Variants in NIN observed in about 807,000 individuals in gnomAD.
The protein encoded by NIN is glycogen synthase kinase 3 beta-interacting protein.
A neutral mutation model predicts 257.6 loss-of-function variants in NIN; 137 were observed. The observed-to-expected ratio is 0.53, with a 90% CI of 0.46 to 0.61. The LOEUF is 0.61. NIN is among the 20% of genes least tolerant of loss of function. The pLI, the probability that NIN is intolerant of heterozygous loss-of-function variation, is 0.00. For synonymous variants in NIN, 918 were observed against 919.8 expected, an observed-to-expected ratio of 1.00 and a Z score of 0.04; for missense variants, 2,439 against 2,501.2, an observed-to-expected ratio of 0.98 and a Z score of 0.53.
chr14:50,792,775 C>T lies in NIN; in HGVS notation c.372G>A (p.Thr124=), dbSNP rs61740208. 8.1e-5 allele frequency: 130 copies of T among 1,614,194 alleles called. 1 individual carries two copies. The African/African-American group carries it at 1.1e-3, about 13-fold the overall frequency. The change falls in exon 5 of 31, where the codon ACG becomes ACA. Residue 124 remains threonine, a synonymous_variant. Coordinates refer to ENST00000530997, the MANE Select transcript of NIN (RefSeq NM_020921.4). ...CTTCTTCATCCAGTGGCTCAATCAC[C>T]GTCACTTCAGGAAACTCCTCCACGG... ...QESVEEFPEV[T]VIEPLDEEAR...
chr14:50,727,415 G>T (rs1466814669), intron 29 of NIN: 8 of 1,081,594 alleles, frequency 7.4e-6, no homozygotes, highest in Non-Finnish European at 9.1e-6. Context: ...ATCCTTTCAA[G>T]AATCTTAAAT....
intron 8 of NIN, among the ~76,000 whole-genome samples, chr14:50,772,735 A>G (rs1016434347): frequency 6.6e-6 from 1 of 152,250 alleles, no homozygotes; most frequent in South Asian, 2.1e-4. Context: ...CAGAGCTGAC[A>G]TGACAAGGCA....
At chr14:50,763,671 GACC>G (rs540511746) in intron 15 of NIN, among the ~76,000 whole-genome samples, 152 bp downstream of exon 15, 5 of 151,782 alleles carry the variant, frequency 3.3e-5, no homozygotes, top group African/African-American at 9.7e-5. Flanking sequence ...TGAAAAACGA[GACC>G]ACAAGTGAAA....
chr14:50,752,414 G>T, intron 21 of NIN, 104 bp downstream of exon 21: 1 of 862,008 alleles, frequency 1.2e-6, no homozygotes, highest in Non-Finnish European at 1.9e-6. Flanking sequence ...GGACCATACT[G>T]TTTTAATTAC....
chr14:50,747,503 G>A (rs1289027924), intron 22 of NIN, among the ~76,000 whole-genome samples: 2 of 152,168 alleles, frequency 1.3e-5, no homozygotes, highest in African/African-American at 2.4e-5. Context: ...GGGGGCTGAC[G>A]TGGGTGGATT....
At chr14:50,820,165 C>T (rs2045131759) in intron 3 of NIN, among the ~76,000 whole-genome samples, 1 of 152,234 alleles carries the variant, frequency 6.6e-6, no homozygotes, top group South Asian at 2.1e-4. Flanking sequence ...ACTTTTATCA[C>T]TGGCTCACTA....
intron 2 of NIN, among the ~76,000 whole-genome samples, chr14:50,829,920 C>T (rs1197070667): frequency 6.6e-6 from 1 of 152,212 alleles, no homozygotes; most frequent in East Asian, 1.9e-4. Context: ...CCCCGACACT[C>T]CATACCTCCA....
Position 50,778,793 on chromosome 14 carries a change from C to A in NIN, c.447G>T (p.Thr149=), listed in dbSNP as rs547438612. 5.0e-6 allele frequency: 8 copies of A among 1,613,930 alleles called. No individual in the cohort carries two copies. Among genetic ancestry groups the A allele is most frequent in the South Asian group, 3.3e-5 (3 of 91,082 alleles). Residue 149 remains threonine (T), a synonymous_variant, in exon 6 of 31, where the codon ACG becomes ACT. Coordinates refer to ENST00000530997, the MANE Select transcript of NIN (RefSeq NM_020921.4). Reference sequence around the variant, plus strand: ...CCGCTTCATACTCCTCACTGCGTTGCGTCTTCCAGTGCTAGAGAAGGCAAG... The same window carrying A: ...CCGCTTCATACTCCTCACTGCGTTGAGTCTTCCAGTGCTAGAGAAGGCAAG... ...PAGDCSEHWK[T]QRSEEYEAEG...
intron 4 of NIN, among the ~76,000 whole-genome samples, chr14:50,802,347 A>C (rs555427087): frequency 6.6e-6 from 1 of 152,310 alleles, no homozygotes; most frequent in East Asian, 1.9e-4. Context: ...TAAATATCTG[A>C]GTTAAAAAGA....
chr14:50,757,129 T>C lies in NIN; in HGVS notation c.3901A>G (p.Thr1301Ala), dbSNP rs776126005. ...TTTTCCAGGCTGAGGAATGTTTCAG[T>C]GACTTCCTCCATTTTCTTCAGCTCA... The part of the protein sequence containing the change: ...QDELKKMEEV[T>A]ETFLSLEKSY... Residue 1301 changes from threonine (T) to alanine (A), a missense_variant, in exon 18 of 31, where the codon ACT becomes GCT. Around this residue, in one of 3 missense-constraint regions of NIN, gnomAD observed 2,043 missense variants for 2,050.2 expected, o/e 1.00. Coordinates refer to ENST00000530997, the MANE Select transcript of NIN (RefSeq NM_020921.4). The C allele has an allele frequency of 1.9e-6, 3 of 1,612,602 alleles. No individual in the cohort carries two copies. The highest frequency in any genetic ancestry group is 2.5e-6 in the Non-Finnish European group (3 of 1,179,538).
intron 5 of NIN, chr14:50,792,462 G>C: frequency 2.1e-6 from 1 of 469,534 alleles, no homozygotes; most frequent in Non-Finnish European, 3.8e-6. Context: ...GGAAATACCT[G>C]AACTCTAAAT....
rs772261534 is a variant in NIN, at chr14:50,758,045, T to G, written c.2985A>C (p.Lys995Asn). 1 of 1,614,254 alleles carries G rather than the reference T, an allele frequency of 6.2e-7. No homozygotes were observed. The highest frequency in any genetic ancestry group is 2.2e-5 in the East Asian group (1 of 44,888). Residue 995 changes from lysine to asparagine, a missense_variant, in exon 18 of 31, where the codon AAA becomes AAC. Lys to Asn is a moderately conservative substitution (Grantham distance 94, BLOSUM62 0). This residue lies in a region of NIN where 2,043 missense variants were observed against 2,050.2 expected (regional missense o/e 1.00). Transcript: ENST00000530997. ...CTCGATCTGCTGTCTCACAGGTCGCTTTGTGAATGTTCTCCATGGCTAGAA... is the reference window on the plus strand; with the variant it reads ...CTCGATCTGCTGTCTCACAGGTCGCGTTGTGAATGTTCTCCATGGCTAGAA... ...SKLLAMENIH[K>N]ATCETADRER...
chr14:50,766,835 T>G lies in NIN; in HGVS notation c.1490A>C (p.Tyr497Ser). Reference sequence around the variant, plus strand: ...CTGAAGTTTGTTTGTCAGATTCTCATATTCTGCCAACTTCTCTGCATTTTC... The same window carrying G: ...CTGAAGTTTGTTTGTCAGATTCTCAGATTCTGCCAACTTCTCTGCATTTTC... Reference protein sequence around the residue: ...LLENAEKLAEYENLTNKLQRN... With the variant: ...LLENAEKLAESENLTNKLQRN... Residue 497 changes from tyrosine (Y) to serine (S), a missense_variant, in exon 13 of 31, where the codon TAT (tyrosine) becomes TCT (serine). Tyr to Ser is a moderately radical substitution (Grantham distance 144). Around this residue, in one of 3 missense-constraint regions of NIN, gnomAD observed 2,043 missense variants for 2,050.2 expected, o/e 1.00. Coordinates refer to ENST00000530997, the MANE Select transcript of NIN (RefSeq NM_020921.4). 6.2e-7 allele frequency: 1 copy of G among 1,614,106 alleles called. No individual in the cohort carries two copies. The highest frequency in any genetic ancestry group is 8.5e-7 in the Non-Finnish European group (1 of 1,180,002).
intron 25 of NIN, among the ~76,000 whole-genome samples, chr14:50,739,858 AT>A (rs1452019407): frequency 6.6e-6 from 1 of 152,226 alleles, no homozygotes; most frequent in African/African-American, 2.4e-5. Context: ...CCCAGAAGAT[AT>A]TCATTTGATT....
intron 4 of NIN, among the ~76,000 whole-genome samples, chr14:50,803,741 G>C (rs1481743033): frequency 2.0e-5 from 3 of 152,140 alleles, no homozygotes; most frequent in Admixed American, 6.6e-5. Flanking sequence ...TATGATCTAT[G>C]ATTTAAGGGA....
At chr14:50,821,250 A>T (rs2045204943) in intron 3 of NIN, among the ~76,000 whole-genome samples, 1 of 152,206 alleles carries the variant, frequency 6.6e-6, no homozygotes, top group Non-Finnish European at 1.5e-5. Flanking sequence ...GGAAAAAAAG[A>T]CCCTCTCTCA....
intron 4 of NIN, among the ~76,000 whole-genome samples, chr14:50,795,393 C>T (rs2043793335): frequency 1.3e-5 from 2 of 152,232 alleles, no homozygotes; most frequent in Admixed American, 6.5e-5. Flanking sequence ...AGAACATTCA[C>T]GGTCAACAGC....
chr14:50,773,233 T>G, intron 7 of NIN, 138 bp from the exon 8 acceptor site: 1 of 572,252 alleles, frequency 1.7e-6, no homozygotes, highest in Non-Finnish European at 2.9e-6. Context: ...TATTCTCACT[T>G]TACTGGTTTC....
At chr14:50,761,683 C>A in intron 16 of NIN, 107 bp downstream of exon 16, 5 of 1,301,510 alleles carry the variant, frequency 3.8e-6, no homozygotes, top group Non-Finnish European at 3.2e-6. Context: ...GGGTTCCCAA[C>A]ATAGAATGTG....
Sources: allele counts gnomAD v4.1 joint callset (sites outside exome capture counted in the v4.1 genomes callset), GRCh38; gene constraint gnomAD v4.1.1; regional missense constraint gnomAD v4.1.1; transcripts MANE v1.5; gene names NCBI Gene and HGNC (gene_info 2026-07-23, HGNC 2026-07-21).